VPS8: variants seen among roughly 807,000 people sequenced by gnomAD.
VPS8 encodes the protein VPS8 subunit of CORVET complex, also known as vacuolar protein sorting-associated protein 8 homolog.
In VPS8, 129 loss-of-function variants were observed where a neutral mutation model predicts 216.4. The ratio of observed to expected loss-of-function variants is 0.60; its 90% CI spans 0.52 to 0.69. The LOEUF (loss-of-function observed/expected upper bound fraction) is 0.69. VPS8 is among the 30% of genes least tolerant of loss of function. The probability of loss-of-function intolerance (pLI) is 0.00; values close to 1 mark genes in which losing one functional copy is unlikely to be tolerated. For synonymous variants in VPS8, 571 were observed against 565.4 expected (o/e 1.01, Z -0.14); for missense variants, 1,531 against 1,683.5 (o/e 0.91, Z 1.59).
At chr3:184,913,601 TCTATATTTTTC>T (rs1256953294) in intron 26 of VPS8, 40 bp downstream of exon 26, 7 of 1,478,292 alleles carry the variant, frequency 4.7e-6, no homozygotes, top group Non-Finnish European at 6.4e-6. Flanking sequence ...GTATGTTCTT[TCTATATTTTTC>T]CTATATTTTT....
At chr3:185,019,101 G>T (rs946152227) in intron 45 of VPS8, among the ~76,000 whole-genome samples, 1 of 152,076 alleles carries the variant, frequency 6.6e-6, no homozygotes, top group Non-Finnish European at 1.5e-5. Flanking sequence ...GAGTGAAAAG[G>T]TTCCAAGGTG....
intron 28 of VPS8, among the ~76,000 whole-genome samples, chr3:184,919,875 T>C (rs542990181): frequency 7.3e-4 from 111 of 152,260 alleles, no homozygotes; most frequent in African/African-American, 2.6e-3. Flanking sequence ...GGACTTTGCC[T>C]TCCTTCCTTT....
At chr3:184,893,280 C>A in intron 22 of VPS8, 1 of 1,288,080 alleles carries the variant, frequency 7.8e-7, no homozygotes, top group South Asian at 1.2e-5. Flanking sequence ...CAGGAGCTTC[C>A]TTGATGTTTT....
At chr3:184,893,609 G>T (rs1280956880) in intron 22 of VPS8, among the ~76,000 whole-genome samples, 1 of 152,182 alleles carries the variant, frequency 6.6e-6, no homozygotes, top group Admixed American at 6.5e-5. Context: ...ATTATACATT[G>T]TGGGTGGCAG....
At chr3:184,985,184 C>T (rs1750879577) in intron 42 of VPS8, among the ~76,000 whole-genome samples, 1 of 151,992 alleles carries the variant, frequency 6.6e-6, no homozygotes, top group African/African-American at 2.4e-5. Flanking sequence ...CACAACAATC[C>T]CTTGAGGTAG....
In VPS8 at chr3:184,994,024, A is replaced by C. The variant is rs760826155; in HGVS notation, c.3627A>C (p.Gly1209=). Residue 1209 remains glycine (G), a synonymous_variant, in exon 43 of 48, where the codon GGA becomes GGC. Transcript: ENST00000625842. ...AAGGAAAACTTGGAGAAATCCAGGG[A>C]CTTATCTTGGGAATGTTAGATACCT... ...YGKGKLGEIQ[G]LILGMLDTFN... is the part of the protein sequence containing the mutation. 7 of 1,568,812 alleles carry C rather than the reference A, an allele frequency of 4.5e-6. No individual in the cohort carries two copies. The highest frequency in any genetic ancestry group is 6.0e-6 in the Non-Finnish European group (7 of 1,157,732).
chr3:184,957,371 T>C lies in VPS8; in HGVS notation c.3036-3T>C. ...GTGTTCTCTTTATCTTTTATGTTTT[T>C]AGGGAAGGTATTCATGTAAATCAAG... On this transcript the variant is annotated splice_polypyrimidine_tract_variant and splice_region_variant and intron_variant, in intron 36 of 47. Transcript: ENST00000625842. 1 of 1,604,862 alleles carries C rather than the reference T, an allele frequency of 6.2e-7. No individual in the cohort carries two copies.
chr3:184,815,531 A>T (rs555828045), intron 1 of VPS8, among the ~76,000 whole-genome samples: 5 of 152,340 alleles, frequency 3.3e-5, no homozygotes, highest in Non-Finnish European at 7.3e-5. Flanking sequence ...ATGTGACTGC[A>T]GATGACTCCT....
At chr3:185,034,050 C>A (rs528973883) in intron 46 of VPS8, among the ~76,000 whole-genome samples, 6 of 152,168 alleles carry the variant, frequency 3.9e-5, no homozygotes, top group Non-Finnish European at 8.8e-5. Flanking sequence ...TAGTACCCCC[C>A]ACCCTCTAGT....
chr3:185,049,553 T>C (rs541978240), intron 47 of VPS8, among the ~76,000 whole-genome samples: 1 of 152,106 alleles, frequency 6.6e-6, no homozygotes, highest in Non-Finnish European at 1.5e-5. Flanking sequence ...TAGAAACCCT[T>C]CTGTCCCCTC....
Position 184,929,614 on chromosome 3 carries a change from C to G in VPS8, c.2749C>G (p.His917Asp). 6.5e-7 allele frequency: 1 copy of G among 1,538,030 alleles called. No homozygotes were observed. Among genetic ancestry groups the G allele is most frequent in the Non-Finnish European group, 8.8e-7 (1 of 1,138,038 alleles). ...QICEFMYERE[H>D]QYDKIIDCYL... ...TTGTGAATTTATGTATGAAAGAGAA[C>G]ACCAATATGATAAAATTATTGATTG... Residue 917 changes from histidine to aspartate, a missense_variant, in exon 33 of 48, where the codon CAC (histidine) becomes GAC (aspartate). His to Asp is a moderately conservative substitution (Grantham distance 81). Transcript: ENST00000625842.
chr3:184,910,261 C>G (rs1478421149), intron 25 of VPS8, among the ~76,000 whole-genome samples: 1 of 151,774 alleles, frequency 6.6e-6, no homozygotes, highest in African/African-American at 2.4e-5. Context: ...GGCCTCCCGG[C>G]AAGATTCTCC....
intron 2 of VPS8, among the ~76,000 whole-genome samples, 159 bp from the exon 3 acceptor site, chr3:184,826,004 T>A (rs1252838200): frequency 6.6e-6 from 1 of 152,016 alleles, no homozygotes; most frequent in Non-Finnish European, 1.5e-5. Flanking sequence ...AGGAAACCAC[T>A]CTGTAGTCTT....
chr3:185,048,565 G>A lies in VPS8; in HGVS notation c.4137+6G>A. On this transcript the variant is annotated splice_donor_region_variant and intron_variant, in intron 47 of 47. Transcript: ENST00000625842. ...TCTACCGAGGAAGCTCCAGGGTAAT[G>A]TTTGCGTGGTTGTTTATATTTTTAT... 6.2e-7 allele frequency: 1 copy of A among 1,613,582 alleles called. No individual in the cohort carries two copies. Among genetic ancestry groups the A allele is most frequent in the Non-Finnish European group, 8.5e-7 (1 of 1,179,838 alleles).
intron 46 of VPS8, among the ~76,000 whole-genome samples, chr3:185,032,679 T>A (rs1758335032): frequency 6.6e-6 from 1 of 152,188 alleles, no homozygotes; most frequent in Non-Finnish European, 1.5e-5. Context: ...CTTTTTTTTT[T>A]TCTTGAGACA....
intron 22 of VPS8, among the ~76,000 whole-genome samples, chr3:184,891,498 A>G (rs1001724583): frequency 2.0e-5 from 3 of 152,018 alleles, no homozygotes; most frequent in African/African-American, 7.3e-5. Flanking sequence ...GGGGGAAAAA[A>G]GGCGTTTTTA....
intron 42 of VPS8, among the ~76,000 whole-genome samples, chr3:184,989,126 T>C (rs951344827): frequency 6.6e-6 from 1 of 152,214 alleles, no homozygotes; most frequent in African/African-American, 2.4e-5. Flanking sequence ...CTTATTGCTG[T>C]AACTAGAACT....
chr3:185,007,039 C>T (rs75601771), intron 45 of VPS8, among the ~76,000 whole-genome samples: 1,811 of 152,232 alleles, frequency 0.012, 43 homozygotes, highest in African/African-American at 0.041. Context: ...ATAATTCAGA[C>T]GTAATAGTTG....
intron 17 of VPS8, 59 bp from the exon 18 acceptor site, chr3:184,867,965 A>G: frequency 1.3e-6 from 2 of 1,570,082 alleles, no homozygotes; most frequent in Non-Finnish European, 1.7e-6. Context: ...GGACAAATGT[A>G]TCTCCCAAAG....
Sources: gnomAD v4.1 joint callset for allele counts (sites outside exome capture counted in the v4.1 genomes callset) on GRCh38, gnomAD v4.1.1 for gene constraint, MANE v1.5 for transcripts, NCBI Gene and HGNC (gene_info 2026-07-23, HGNC 2026-07-21) for gene names.